RAB27A: variants seen among roughly 807,000 people sequenced by gnomAD.
The protein encoded by RAB27A is ras-related protein Rab-27A.
In RAB27A, 17 loss-of-function variants were observed where a neutral mutation model predicts 20.8. The observed-to-expected ratio is 0.82, with a 90% CI of 0.56 to 1.23. The LOEUF is 1.23. Ranked by LOEUF, RAB27A falls within the 50% of genes most tolerant of loss-of-function variation. RAB27A has a pLI of 0.00. For synonymous variants in RAB27A, 85 were observed against 92.8 expected (o/e 0.92, Z 0.48); for missense variants, 277 against 266.7 (o/e 1.04, Z -0.27).
upstream of RAB27A, among the ~76,000 whole-genome samples, chr15:55,291,111 A>G (rs1898293943): frequency 6.6e-6 from 1 of 152,232 alleles, no homozygotes; most frequent in South Asian, 2.1e-4. Context: ...CCAGGCAAAC[A>G]TAACACAGTA....
At chr15:55,221,914 G>A (rs747706859) in intron 6 of RAB27A, among the ~76,000 whole-genome samples, 1 of 152,018 alleles carries the variant, frequency 6.6e-6, no homozygotes, top group Non-Finnish European at 1.5e-5. Context: ...CCCTCATTAT[G>A]GGCACCAGCT....
chr15:55,244,525 C>T (rs1474786435), intron 2 of RAB27A, among the ~76,000 whole-genome samples: 2 of 152,102 alleles, frequency 1.3e-5, no homozygotes, highest in East Asian at 3.9e-4. Context: ...CTATGTTGCC[C>T]AGGCTGGTCT....
chr15:55,296,450 G>A (rs2054950010), intron 2 of RAB27A, among the ~76,000 whole-genome samples: 1 of 151,978 alleles, frequency 6.6e-6, no homozygotes, highest in Non-Finnish European at 1.5e-5. Flanking sequence ...GAGCCTAGAT[G>A]CCTAGATCGT....
At chr15:55,280,383 A>G (rs1405696575) in intron 1 of RAB27A, among the ~76,000 whole-genome samples, 1 of 152,060 alleles carries the variant, frequency 6.6e-6, no homozygotes, top group African/African-American at 2.4e-5. Flanking sequence ...GTCCACCAAC[A>G]ATCACTAGAG....
intron 1 of RAB27A, among the ~76,000 whole-genome samples, chr15:55,278,534 G>A (rs2141115613): frequency 1.3e-5 from 2 of 148,542 alleles, no homozygotes; most frequent in African/African-American, 5.0e-5. Context: ...CCAGGCTGGA[G>A]TGCAGTGGCA....
chr15:55,297,863 C>T (rs1055242108), intron 2 of RAB27A, among the ~76,000 whole-genome samples: 3 of 152,020 alleles, frequency 2.0e-5, no homozygotes, highest in African/African-American at 7.2e-5. Context: ...TCAACAAACC[C>T]AATTTAATAG....
intron 2 of RAB27A, among the ~76,000 whole-genome samples, chr15:55,307,942 A>G (rs1305025584): frequency 6.6e-6 from 1 of 152,018 alleles, no homozygotes; most frequent in African/African-American, 2.4e-5. Flanking sequence ...AAGGGTTTTA[A>G]GTAATTTCCA....
chr15:55,304,930 G>T (rs2054990927), intron 2 of RAB27A, among the ~76,000 whole-genome samples: 1 of 152,180 alleles, frequency 6.6e-6, no homozygotes, highest in South Asian at 2.1e-4. Flanking sequence ...CATACAAAGG[G>T]AGGGGACCCA....
intron 1 of RAB27A, among the ~76,000 whole-genome samples, chr15:55,279,852 CAA>C (rs1897968365): frequency 6.6e-6 from 1 of 152,122 alleles, no homozygotes; most frequent in African/African-American, 2.4e-5. Flanking sequence ...TCATCAACTA[CAA>C]AGGCCGAGGT....
intron 2 of RAB27A, among the ~76,000 whole-genome samples, chr15:55,247,024 G>A (rs1896713765): frequency 6.6e-6 from 1 of 152,200 alleles, no homozygotes; most frequent in Non-Finnish European, 1.5e-5. Flanking sequence ...TTATGATTAT[G>A]ACAGATTAAG....
chr15:55,223,720 T>A (rs958723424), intron 6 of RAB27A, among the ~76,000 whole-genome samples, 169 bp downstream of exon 6: 6 of 152,194 alleles, frequency 3.9e-5, no homozygotes, highest in Admixed American at 2.0e-4. Flanking sequence ...ACATGCATTG[T>A]CAATGGATCC....
At chr15:55,251,583 T>C (rs1418635946) in intron 2 of RAB27A, among the ~76,000 whole-genome samples, 2 of 152,272 alleles carry the variant, frequency 1.3e-5, no homozygotes, top group Non-Finnish European at 2.9e-5. Context: ...AAAATCTATA[T>C]ATGGATGAAC....
intron 6 of RAB27A, among the ~76,000 whole-genome samples, chr15:55,213,333 T>A (rs1001032300): frequency 2.0e-5 from 3 of 152,252 alleles, no homozygotes; most frequent in Non-Finnish European, 4.4e-5. Flanking sequence ...CTTACTCTTT[T>A]ATTCTTTCTT....
At chr15:55,221,083 T>C (rs1220558998) in intron 6 of RAB27A, among the ~76,000 whole-genome samples, 2 of 152,052 alleles carry the variant, frequency 1.3e-5, no homozygotes, top group African/African-American at 4.8e-5. Context: ...ACCCCTCAGA[T>C]ACCCCATATG....
chr15:55,237,315 C>T (rs141965620), intron 2 of RAB27A: 1 of 152,276 alleles, frequency 6.6e-6, no homozygotes, highest in East Asian at 1.9e-4. Context: ...TGGGGACTCA[C>T]CTTATGCTGA....
intron 2 of RAB27A, among the ~76,000 whole-genome samples, chr15:55,302,026 A>G (rs1035840677): frequency 6.6e-6 from 1 of 151,966 alleles, no homozygotes; most frequent in African/African-American, 2.4e-5. Flanking sequence ...AAAATAGAAC[A>G]ATTAGCCGAC....
At chr15:55,295,426 A>C (rs574395241) in intron 2 of RAB27A, among the ~76,000 whole-genome samples, 1 of 152,382 alleles carries the variant, frequency 6.6e-6, no homozygotes, top group South Asian at 2.1e-4. Context: ...AGCATTATTT[A>C]CAACAGCCCA....
chr15:55,223,028 A>G (rs1053093729), intron 6 of RAB27A, among the ~76,000 whole-genome samples: 1 of 152,174 alleles, frequency 6.6e-6, no homozygotes, highest in Admixed American at 6.5e-5. Context: ...TCCTATTCCC[A>G]GAACTCAAGG....
intron 2 of RAB27A, among the ~76,000 whole-genome samples, chr15:55,269,278 G>T (rs912562672): frequency 6.6e-6 from 1 of 152,102 alleles, no homozygotes; most frequent in Admixed American, 6.6e-5. Context: ...TCACCACTCA[G>T]ATCTTTCACT....
Sources: allele counts gnomAD v4.1 joint callset (sites outside exome capture counted in the v4.1 genomes callset), GRCh38; gene constraint gnomAD v4.1.1; transcripts MANE v1.5; gene names NCBI Gene and HGNC (gene_info 2026-07-23, HGNC 2026-07-21).